BCO2: variants seen among roughly 807,000 people sequenced by gnomAD.
BCO2 encodes beta-carotene oxygenase 2, also known as carotenoid-cleaving dioxygenase, mitochondrial.
A neutral mutation model predicts 65.8 loss-of-function variants in BCO2; 56 were observed. That is an observed-to-expected ratio of 0.85 (90% CI 0.69 to 1.06). The LOEUF (loss-of-function observed/expected upper bound fraction) is 1.06. Among genes scored for constraint, BCO2 ranks in the 50% least tolerant of loss-of-function variants. BCO2 has a pLI of 0.00. For synonymous variants in BCO2, 233 were observed against 242.3 expected (o/e 0.96, Z 0.36); for missense variants, 675 against 698.5 (o/e 0.97, Z 0.38).
rs755205861 is a variant in BCO2, at chr11:112,193,934, C to T, written c.573C>T (p.Leu191=). 4.3e-6 allele frequency: 7 copies of T among 1,613,220 alleles called. No homozygotes were observed. The African/African-American group carries it at 8.0e-5, about 18-fold the overall frequency. Residue 191 remains leucine, a synonymous_variant, in exon 4 of 12, where the codon CTC becomes CTT. Coordinates refer to ENST00000357685, the MANE Select transcript of BCO2 (RefSeq NM_031938.7). ...TGCGGTACAAGGGTGATTACTACCTCTGCACTGAGACCAACTTTATGAATA... is the reference window on the plus strand; with the variant it reads ...TGCGGTACAAGGGTGATTACTACCTTTGCACTGAGACCAACTTTATGAATA... ...NYVRYKGDYY[L]CTETNFMNKV...
intron 11 of BCO2, among the ~76,000 whole-genome samples, chr11:112,216,585 A>G (rs1859684734): frequency 6.6e-6 from 1 of 152,264 alleles, no homozygotes; most frequent in Non-Finnish European, 1.5e-5. Context: ...TTTAGTTATC[A>G]AAACAACTTT....
intron 5 of BCO2, 76 bp downstream of exon 5, chr11:112,194,831 G>A: frequency 9.3e-7 from 1 of 1,071,674 alleles, no homozygotes; most frequent in Non-Finnish European, 1.4e-6. Context: ...AATACTACAG[G>A]TTTGTTTTTT....
chr11:112,206,259 G>A (rs377720824), intron 8 of BCO2, among the ~76,000 whole-genome samples: 7 of 149,678 alleles, frequency 4.7e-5, no homozygotes, highest in East Asian at 2.0e-4. Context: ...GGGCAGAGGC[G>A]CTCCTCACTT....
chr11:112,183,902 A>G (rs1349836040), intron 2 of BCO2, among the ~76,000 whole-genome samples: 1 of 152,236 alleles, frequency 6.6e-6, no homozygotes, highest in South Asian at 2.1e-4. Context: ...GGATGGAGGA[A>G]GAACTTACCT....
At chr11:112,186,022 C>G (rs1867189797) in intron 2 of BCO2, among the ~76,000 whole-genome samples, 1 of 152,082 alleles carries the variant, frequency 6.6e-6, no homozygotes, top group Admixed American at 6.5e-5. Context: ...TGATCATGGT[C>G]CTTCTGTGCC....
chr11:112,191,997 C>G (rs192212262), intron 2 of BCO2, among the ~76,000 whole-genome samples: 1 of 152,106 alleles, frequency 6.6e-6, no homozygotes, highest in African/African-American at 2.4e-5. Flanking sequence ...ATATTCATCT[C>G]GTCATGAAAC....
intron 8 of BCO2, among the ~76,000 whole-genome samples, chr11:112,206,654 A>AT (rs1859350058): frequency 6.6e-6 from 1 of 151,998 alleles, no homozygotes; most frequent in East Asian, 1.9e-4. Flanking sequence ...ATGTGGTTGC[A>AT]ATTTTTTTCC....
At chr11:112,184,991 A>G (rs1183932034) in intron 2 of BCO2, among the ~76,000 whole-genome samples, 1 of 152,236 alleles carries the variant, frequency 6.6e-6, no homozygotes, top group Non-Finnish European at 1.5e-5. Flanking sequence ...GTACATATGC[A>G]TAGTGGGAGG....
At chr11:112,186,871 T>C (rs1024717267) in intron 2 of BCO2, among the ~76,000 whole-genome samples, 2 of 152,148 alleles carry the variant, frequency 1.3e-5, no homozygotes, top group African/African-American at 4.8e-5. Flanking sequence ...TAAAGTTACA[T>C]GAATCTGGGC....
At chr11:112,179,614 G>C (rs1866976794) in intron 2 of BCO2, 132 bp downstream of exon 2, 1 of 820,470 alleles carries the variant, frequency 1.2e-6, no homozygotes, top group Admixed American at 2.5e-5. Context: ...TAAAGAAACT[G>C]TAGCCTAGAG....
chr11:112,195,418 T>A (rs1489351712), intron 5 of BCO2, among the ~76,000 whole-genome samples: 1 of 150,912 alleles, frequency 6.6e-6, no homozygotes, highest in East Asian at 2.0e-4. Flanking sequence ...CAGGCGTGAG[T>A]CACTGTGCCT....
At chr11:112,184,062 A>G (rs1867132495) in intron 2 of BCO2, among the ~76,000 whole-genome samples, 2 of 152,224 alleles carry the variant, frequency 1.3e-5, no homozygotes, top group South Asian at 2.1e-4. Flanking sequence ...CTTCAAAACC[A>G]AAAAACCAAG....
chr11:112,214,215 C>G (rs934844764), intron 9 of BCO2, among the ~76,000 whole-genome samples: 1 of 152,002 alleles, frequency 6.6e-6, no homozygotes, highest in Non-Finnish European at 1.5e-5. Context: ...GGTGCTATCT[C>G]GGCTCACTGC....
chr11:112,181,607 G>T, intron 2 of BCO2: 1 of 763,976 alleles, frequency 1.3e-6, no homozygotes, highest in South Asian at 1.3e-5. Context: ...AGATTTTTTG[G>T]TATTGACTCA....
At chr11:112,198,642 C>T (rs748890908) in intron 5 of BCO2, among the ~76,000 whole-genome samples, 11 of 151,952 alleles carry the variant, frequency 7.2e-5, no homozygotes, top group East Asian at 1.9e-4. Flanking sequence ...TGGATATCTG[C>T]GTTGATTCTT....
In BCO2 at chr11:112,194,774, T is replaced by C. The variant is rs771868794; in HGVS notation, c.736+19T>C. 6 of 1,511,194 alleles carry C rather than the reference T, an allele frequency of 4.0e-6. No homozygotes were observed. Among genetic ancestry groups the C allele is most frequent in the Non-Finnish European group, 5.5e-6 (6 of 1,094,158 alleles). The allele number at this position is 1,511,194 out of a possible 1,614,324, so 93.6% of individuals were successfully genotyped here. The stretch of plus-strand genomic sequence containing the variant: ...CCATATGGTAAAGTTGCAATAAAGG[T>C]CTTTTTAGAAATAATTGAGACCAGG... On this transcript the variant is annotated intron_variant, in intron 5 of 11. Transcript: ENST00000357685.
rs201459824 is a variant in BCO2 at position 112,179,466 on chromosome 11, G to A, written c.277G>A (p.Glu93Lys). Reference protein sequence around the residue: ...SLLRIGPGKFEFGKDKYNHWF... With the variant: ...SLLRIGPGKFKFGKDKYNHWF... ...ACTTCGAATTGGACCTGGGAAATTC[G>A]AGTTTGGGAAGGATAAGTAAGCCTT... Residue 93 changes from glutamate (E) to lysine (K), a missense_variant, in exon 2 of 12, where the codon GAG becomes AAG. Transcript: ENST00000357685. The A allele has an allele frequency of 1.2e-5, 20 of 1,614,062 alleles. No homozygotes were observed. In the Admixed American group the frequency reaches 2.8e-4, roughly 23 times the overall value.
At position 112,193,658 on chromosome 11, in the gene BCO2, C is replaced by T. The variant is rs1458283378; in HGVS notation, c.478C>T (p.Arg160Cys). The change falls in exon 3 of 12, where the codon CGT becomes TGT. Residue 160 changes from arginine to cysteine, a missense_variant. Transcript: ENST00000357685. ...GGATCCATGCAAGAATGTTTTTGAACGTTTCATGTCCAGGTTTGAGCTGCC... is the reference window on the plus strand; with the variant it reads ...GGATCCATGCAAGAATGTTTTTGAATGTTTCATGTCCAGGTTTGAGCTGCC... ...LPDPCKNVFE[R>C]FMSRFELPGK... 5 of 1,614,082 alleles carry T rather than the reference C, an allele frequency of 3.1e-6. No homozygotes were observed. The highest frequency in any genetic ancestry group is 2.2e-5 in the East Asian group (1 of 44,882).
At chr11:112,207,343 A>C (rs911121285) in intron 8 of BCO2, among the ~76,000 whole-genome samples, 2 of 152,216 alleles carry the variant, frequency 1.3e-5, no homozygotes, top group African/African-American at 2.4e-5. Context: ...TTAATGAATA[A>C]ACATTCTTAA....
Sources: gnomAD v4.1 joint callset for allele counts (sites outside exome capture counted in the v4.1 genomes callset) on GRCh38, gnomAD v4.1.1 for gene constraint, MANE v1.5 for transcripts, NCBI Gene and HGNC (gene_info 2026-07-23, HGNC 2026-07-21) for gene names.